Variants in DOCK11 observed in about 807,000 individuals in gnomAD.
DOCK11 encodes the protein dedicator of cytokinesis 11, also known as dedicator of cytokinesis protein 11.
A neutral mutation model predicts 169.1 loss-of-function variants in DOCK11; 70 were observed. That is an observed-to-expected ratio of 0.41 (90% CI 0.34 to 0.51). The LOEUF is 0.51. Ranked by LOEUF, DOCK11 falls within the 20% of genes least tolerant of loss-of-function variation. The pLI is 0.10. For synonymous variants in DOCK11, 529 were observed against 541.3 expected (o/e 0.98, Z 0.32); for missense variants, 1,166 against 1,538.8 (o/e 0.76, Z 4.05).
At chrX:118,500,249 C>T (rs1461377356) in intron 1 of DOCK11, among the ~76,000 whole-genome samples, 9 of 110,035 alleles carry the variant, frequency 8.2e-5, no homozygotes, top group Non-Finnish European at 1.7e-4. Context: ...GGGGTTTCAC[C>T]GTGTTAGCCA....
intron 45 of DOCK11, among the ~76,000 whole-genome samples, chrX:118,669,590 G>A (rs2016419971): frequency 9.0e-6 from 1 of 111,341 alleles, no homozygotes; most frequent in South Asian, 3.8e-4. Flanking sequence ...CTGCCCTCAT[G>A]ACTTAGTCAT....
At chrX:118,600,017 T>G (rs2014285109) in intron 23 of DOCK11, among the ~76,000 whole-genome samples, 1 of 111,932 alleles carries the variant, frequency 8.9e-6, no homozygotes, top group Non-Finnish European at 1.9e-5. Flanking sequence ...GCTCTGTAAC[T>G]GACCATGACC....
intron 39 of DOCK11, 46 bp downstream of exon 39, chrX:118,641,351 C>A: frequency 1.0e-6 from 1 of 956,825 alleles, no homozygotes; most frequent in South Asian, 2.0e-5. Flanking sequence ...TGCAAAGTAA[C>A]ATTATGCAGA....
intron 1 of DOCK11, among the ~76,000 whole-genome samples, chrX:118,499,291 C>A (rs6655475): frequency 9.0e-6 from 1 of 110,755 alleles, no homozygotes; most frequent in African/African-American, 3.3e-5. Context: ...CTGGAAGAGT[C>A]GCCTAGTAGC....
At chrX:118,497,817 C>T (rs770050258) in intron 1 of DOCK11, among the ~76,000 whole-genome samples, 1 of 112,517 alleles carries the variant, frequency 8.9e-6, no homozygotes, top group African/African-American at 3.2e-5. Context: ...CCAGATTTCT[C>T]GAGAATAAAT....
intron 24 of DOCK11, among the ~76,000 whole-genome samples, chrX:118,606,848 C>T (rs777660635): frequency 9.0e-6 from 1 of 111,246 alleles, no homozygotes; most frequent in East Asian, 2.8e-4. Context: ...ATCAGAAATT[C>T]CGGGAGAGGG....
chrX:118,648,922 T>C (rs773620610), intron 40 of DOCK11, 23 bp from the exon 41 acceptor site: 2 of 1,149,587 alleles, frequency 1.7e-6, no homozygotes, highest in South Asian at 4.1e-5. Flanking sequence ...TAAATACTTA[T>C]TTCTGTTTTC....
intron 48 of DOCK11, among the ~76,000 whole-genome samples, chrX:118,677,629 T>G (rs1267813242): frequency 8.9e-6 from 1 of 112,799 alleles, no homozygotes; most frequent in East Asian, 2.8e-4. Context: ...CTTCATTGTC[T>G]ACCACGAAAA....
intron 40 of DOCK11, among the ~76,000 whole-genome samples, chrX:118,646,332 G>A (rs1339237588): frequency 9.1e-6 from 1 of 110,420 alleles, no homozygotes; most frequent in Non-Finnish European, 1.9e-5. Context: ...GTACATTGAA[G>A]AAGAAGAATA....
chrX:118,655,867 C>T (rs749297634), intron 44 of DOCK11, among the ~76,000 whole-genome samples: 7 of 112,284 alleles, frequency 6.2e-5, no homozygotes, highest in South Asian at 7.3e-4. Context: ...TTCAGCTGTA[C>T]GAACACAACC....
intron 45 of DOCK11, among the ~76,000 whole-genome samples, chrX:118,664,822 A>T (rs994196445): frequency 5.4e-5 from 6 of 111,385 alleles, no homozygotes; most frequent in Non-Finnish European, 1.1e-4. Context: ...GTTCACAAAG[A>T]GTGTGAACGT....
In DOCK11 at chrX:118,593,315, G is replaced by T. The variant is rs757534673; in HGVS notation, c.2241G>T (p.Lys747Asn). Reference sequence around the variant, plus strand: ...TTAACACAAAGGGAACAACCAAAAAGCAAGACACAGTTGAAACTCCAGGTA... The same window carrying T: ...TTAACACAAAGGGAACAACCAAAAATCAAGACACAGTTGAAACTCCAGGTA... ...CEINTKGTTKKQDTVETPVGF... is the reference protein window; with the variant it reads ...CEINTKGTTKNQDTVETPVGF... The change falls in exon 20 of 53, where the codon AAG becomes AAT. Residue 747 changes from lysine (K) to asparagine (N), a missense_variant. Lys to Asn is a moderately conservative substitution (Grantham distance 94, BLOSUM62 0). Transcript: ENST00000276202. 1 of 1,202,380 alleles carries T rather than the reference G, an allele frequency of 8.3e-7. No individual in the cohort carries two copies. The highest frequency in any genetic ancestry group is 1.7e-5 in the African/African-American group (1 of 57,427).
chrX:118,543,736 G>A, intron 4 of DOCK11, 143 bp downstream of exon 4: 2 of 419,042 alleles, frequency 4.8e-6, no homozygotes, highest in African/African-American at 2.5e-5. Flanking sequence ...AGATCACAAG[G>A]TCAGGAGATC....
intron 31 of DOCK11, among the ~76,000 whole-genome samples, chrX:118,621,865 C>T (rs932312675): frequency 1.8e-5 from 2 of 111,439 alleles, no homozygotes; most frequent in African/African-American, 3.3e-5. Context: ...GATCTCCTGA[C>T]CTCGTGATCT....
chrX:118,604,057 G>A (rs1444275899), intron 23 of DOCK11, among the ~76,000 whole-genome samples: 3 of 111,753 alleles, frequency 2.7e-5, no homozygotes, highest in Non-Finnish European at 3.8e-5. Context: ...CTGTGTGTGC[G>A]TCGTAGGATA....
At chrX:118,651,201 A>G (rs992527283) in intron 41 of DOCK11, among the ~76,000 whole-genome samples, 2 of 112,024 alleles carry the variant, frequency 1.8e-5, no homozygotes, top group South Asian at 3.7e-4. Context: ...TGGGCGGCAT[A>G]AGTGGGTGGA....
chrX:118,572,483 C>CTA lies in DOCK11; in HGVS notation c.1176+21_1176+22dup. On this transcript the variant is annotated intron_variant, in intron 11 of 52. Transcript: ENST00000276202. ...ACAAATGTATGTATGACTTTGCCTT[C>CTA]TACCCCCCTTGCATCAGTGCATTAA... 8.5e-7 allele frequency: 1 copy of CTA among 1,176,315 alleles called. No individual in the cohort carries two copies.
At chrX:118,617,505 T>G (rs1385691110) in intron 30 of DOCK11, among the ~76,000 whole-genome samples, 2 of 95,622 alleles carry the variant, frequency 2.1e-5, no homozygotes, top group Non-Finnish European at 4.3e-5. Context: ...AAAAAAAAAA[T>G]TACTAAACCT....
At chrX:118,600,818 C>G (rs980162113) in intron 23 of DOCK11, among the ~76,000 whole-genome samples, 4 of 110,180 alleles carry the variant, frequency 3.6e-5, no homozygotes, top group African/African-American at 6.6e-5. Context: ...ACAAAGGCCC[C>G]GAGGAGCTTG....
Sources: gnomAD v4.1 joint callset for allele counts (sites outside exome capture counted in the v4.1 genomes callset) on GRCh38, gnomAD v4.1.1 for gene constraint, MANE v1.5 for transcripts, NCBI Gene and HGNC (gene_info 2026-07-23, HGNC 2026-07-21) for gene names.